NLRP13: variants seen among roughly 807,000 people sequenced by gnomAD.
The protein encoded by NLRP13 is NLR family pyrin domain containing 13.
A neutral mutation model predicts 94.4 loss-of-function variants in NLRP13; 82 were observed. The observed-to-expected ratio is 0.87, with a 90% CI of 0.73 to 1.04. The LOEUF (loss-of-function observed/expected upper bound fraction) is 1.04, where lower values mean the gene tolerates loss of function less well. NLRP13 is among the 50% of genes least tolerant of loss of function. The pLI, the probability that NLRP13 is intolerant of heterozygous loss-of-function variation, is 0.00. For synonymous variants in NLRP13, 553 were observed against 464.7 expected, an observed-to-expected ratio of 1.19 and a Z score of -2.45; for missense variants, 1,426 against 1,230.8, an observed-to-expected ratio of 1.16 and a Z score of -2.37.
In NLRP13 at chr19:55,910,783, A is replaced by C. The variant is rs1986487780; in HGVS notation, c.2112-50T>G. The stretch of plus-strand genomic sequence containing the variant: ...GGATAAGAGCAAATTAGCCTCAAGC[A>C]ATACCCAGAATACAACCTACGGGAC... On this transcript the variant is annotated intron_variant, in intron 5 of 10. Coordinates refer to ENST00000342929, the MANE Select transcript of NLRP13 (RefSeq NM_176810.2). 4.3e-6 allele frequency: 6 copies of C among 1,410,704 alleles called. No homozygotes were observed. The African/African-American group carries it at 5.7e-5, about 13-fold the overall frequency. The allele number at this position is 1,410,704 out of a possible 1,614,324, so 87.4% of individuals were successfully genotyped here. A position where few individuals can be genotyped will look rare whatever the true frequency, so the allele number is the denominator to read the frequency against.
At chr19:55,908,035 C>T in intron 6 of NLRP13, 79 bp from the exon 7 acceptor site, 3 of 1,291,790 alleles carry the variant, frequency 2.3e-6, no homozygotes, top group South Asian at 1.4e-5. Flanking sequence ...CCTCACCCTG[C>T]CTTCTACTAC....
chr19:55,922,147 A>G (rs1986844974), intron 4 of NLRP13, among the ~76,000 whole-genome samples: 1 of 152,078 alleles, frequency 6.6e-6, no homozygotes, highest in African/African-American at 2.4e-5. Flanking sequence ...ACTCACTGTC[A>G]TGAGAACAGC....
intron 1 of NLRP13, among the ~76,000 whole-genome samples, chr19:55,925,680 A>G (rs563762182): frequency 6.6e-6 from 1 of 152,196 alleles, no homozygotes; most frequent in Non-Finnish European, 1.5e-5. Context: ...GACCTCTTCT[A>G]TAACTCACAG....
Position 55,911,604 on chromosome 19 carries a change from G to A in NLRP13, c.2111+102C>T, listed in dbSNP as rs75601273. 3,189 of 1,127,874 alleles carry A rather than the reference G, an allele frequency of 2.8e-3. 49 individuals carry two copies. The African/African-American group carries it at 0.044, about 15-fold the overall frequency. 69.9% of individuals were successfully genotyped at this position (1,127,874 alleles called of 1,614,324 possible). ...AGACCATTTGGTCGGAAATAAGCAC[G>A]AATACATAACGACAACACATCCCTG... On this transcript the variant is annotated intron_variant, in intron 5 of 10. Coordinates refer to ENST00000342929, the MANE Select transcript of NLRP13 (RefSeq NM_176810.2).
intron 4 of NLRP13, among the ~76,000 whole-genome samples, chr19:55,917,778 A>G (rs952117525): frequency 3.9e-5 from 6 of 152,224 alleles, no homozygotes; most frequent in Non-Finnish European, 8.8e-5. Flanking sequence ...CATAAAACAA[A>G]TATTATTAGA....
At position 55,902,301 on chromosome 19, in the gene NLRP13, T is replaced by C; in HGVS notation, c.2619-96A>G. On this transcript the variant is annotated intron_variant, in intron 8 of 10. Transcript: ENST00000342929. Reference sequence around the variant, plus strand: ...TCAGGGCCCCCTCCGAGCCTACACATGCAGCAGCTCCCTGGACGACAAGGT... The same window carrying C: ...TCAGGGCCCCCTCCGAGCCTACACACGCAGCAGCTCCCTGGACGACAAGGT... The C allele has an allele frequency of 1.1e-5, 11 of 993,130 alleles. No individual in the cohort carries two copies. In the South Asian group the frequency reaches 1.6e-4, roughly 14 times the overall value. The allele number at this position is 993,130 out of a possible 1,614,324, so 61.5% of individuals were successfully genotyped here.
At chr19:55,892,140 TGAAGTTTAGAAGCAGTGAA>T, downstream of NLRP13, 1 of 1,231,750 alleles carries the variant, frequency 8.1e-7, no homozygotes, top group Non-Finnish European at 1.0e-6. Flanking sequence ...TAAGAAGTAC[TGAAGTTTAGAAGCAGTGAA>T]GAAGTTTAGA....
At chr19:55,907,746 TG>T in intron 7 of NLRP13, 45 bp downstream of exon 7, 1 of 1,595,054 alleles carries the variant, frequency 6.3e-7, no homozygotes, top group South Asian at 1.1e-5. Flanking sequence ...AAGCTACTGG[TG>T]GTCTTGCAAC....
chr19:55,921,143 C>T (rs79688442), intron 4 of NLRP13, among the ~76,000 whole-genome samples: 10,098 of 152,082 alleles, frequency 0.066, 360 homozygotes, highest in Middle Eastern at 0.12. Flanking sequence ...GGTTGAGGGA[C>T]GAGAAATTCC....
rs746424178 is a variant in NLRP13, at chr19:55,907,785, G to C, written c.2447+7C>G. The stretch of plus-strand genomic sequence containing the variant: ...CCCTTGACAGATCTAGGGAGCCAAA[G>C]ACTTACCACAGATACTTGAGGTTGC... On this transcript the variant is annotated splice_region_variant and intron_variant, in intron 7 of 10. Coordinates refer to ENST00000342929, the MANE Select transcript of NLRP13 (RefSeq NM_176810.2). 5.0e-6 allele frequency: 8 copies of C among 1,613,636 alleles called. No homozygotes were observed. In the South Asian group the frequency reaches 8.8e-5, roughly 18 times the overall value.
At chr19:55,929,659 G>C (rs1359093187) in intron 1 of NLRP13, among the ~76,000 whole-genome samples, 1 of 152,112 alleles carries the variant, frequency 6.6e-6, no homozygotes, top group Non-Finnish European at 1.5e-5. Flanking sequence ...AGTATTAGAA[G>C]AAATACCTAA....
chr19:55,913,051 C>G lies in NLRP13; in HGVS notation c.766G>C (p.Val256Leu), dbSNP rs1307197182. The change falls in exon 5 of 11, where the codon GTT becomes CTT. Residue 256 changes from valine to leucine, a missense_variant. Transcript: ENST00000342929. ...MQAMLHWANG[V>L]LFQQRFSYVF... The stretch of plus-strand genomic sequence containing the variant: ...TAGGAGAACCTTTGCTGAAAGAGAA[C>G]TCCATTTGCCCAGTGCAGCATAGCC... 1 of 1,614,146 alleles carries G rather than the reference C, an allele frequency of 6.2e-7. No homozygotes were observed. Among genetic ancestry groups the G allele is most frequent in the African/African-American group, 1.3e-5 (1 of 75,034 alleles).
intron 4 of NLRP13, among the ~76,000 whole-genome samples, chr19:55,922,239 C>T (rs1456304489): frequency 6.6e-6 from 1 of 152,108 alleles, no homozygotes; most frequent in African/African-American, 2.4e-5. Context: ...AGCTACAATT[C>T]AAGATGAGAT....
intron 9 of NLRP13, among the ~76,000 whole-genome samples, chr19:55,900,587 T>TGC (rs1568687251): frequency 6.8e-6 from 1 of 147,196 alleles, no homozygotes. Context: ...CTGGCTAACA[T>TGC]GGTGAAACCC....
chr19:55,924,446 T>A (rs2123143087), intron 3 of NLRP13, 144 bp downstream of exon 3: 1 of 646,568 alleles, frequency 1.5e-6, no homozygotes, highest in South Asian at 2.0e-5. Flanking sequence ...TAATAAGAAA[T>A]ACTGGAAGAA....
At chr19:55,923,439 G>C (rs914266720) in intron 4 of NLRP13, among the ~76,000 whole-genome samples, 4 of 152,214 alleles carry the variant, frequency 2.6e-5, no homozygotes, top group Non-Finnish European at 5.9e-5. Context: ...AAGTTTATCT[G>C]AATAGCTTGT....
intron 4 of NLRP13, among the ~76,000 whole-genome samples, chr19:55,922,294 A>T (rs116088547): frequency 0.014 from 2,069 of 152,042 alleles, 45 homozygotes; most frequent in African/African-American, 0.047. Flanking sequence ...CCTGTCTCTC[A>T]AAGAGGTTTT....
chr19:55,910,757 C>G, intron 5 of NLRP13, 24 bp from the exon 6 acceptor site: 1 of 1,568,708 alleles, frequency 6.4e-7, no homozygotes, highest in Non-Finnish European at 8.7e-7. Context: ...AGACAGAACA[C>G]GGATAAGAGC....
At chr19:55,910,443 T>C in intron 6 of NLRP13, 120 bp downstream of exon 6, 6 of 950,786 alleles carry the variant, frequency 6.3e-6, no homozygotes, top group Non-Finnish European at 9.1e-6. Context: ...GCACAGTTTA[T>C]TTTATCCTCC....
Sources: gnomAD v4.1 joint callset for allele counts (sites outside exome capture counted in the v4.1 genomes callset) on GRCh38, gnomAD v4.1.1 for gene constraint, MANE v1.5 for transcripts, NCBI Gene and HGNC (gene_info 2026-07-23, HGNC 2026-07-21) for gene names.